Variants in ROCK2 observed in about 807,000 individuals in gnomAD.
ROCK2 encodes rho-associated protein kinase 2.
A neutral mutation model predicts 195.1 loss-of-function variants in ROCK2; 61 were observed. The observed-to-expected ratio is 0.31, with a 90% CI of 0.25 to 0.39. The LOEUF is 0.39. Ranked by LOEUF, ROCK2 falls within the 10% of genes least tolerant of loss-of-function variation. The pLI, the probability that ROCK2 is intolerant of heterozygous loss-of-function variation, is 1.00. For synonymous variants in ROCK2, 504 were observed against 545.5 expected (o/e 0.92, Z 1.06); for missense variants, 1,109 against 1,637.4 (o/e 0.68, Z 5.57).
At chr2:11,194,009 TAAGA>T in intron 29 of ROCK2, 152 bp from the exon 30 acceptor site, 2 of 439,794 alleles carry the variant, frequency 4.5e-6, no homozygotes, top group Admixed American at 8.4e-5. Context: ...TATAATTAAT[TAAGA>T]TTTTTAGAAA....
chr2:11,223,802 G>A (rs1292999120), intron 7 of ROCK2, among the ~76,000 whole-genome samples: 2 of 152,064 alleles, frequency 1.3e-5, no homozygotes, highest in African/African-American at 4.8e-5. Context: ...ATCTTTTGGG[G>A]GCAGGTTTTC....
chr2:11,275,440 C>A (rs556481195), intron 3 of ROCK2, among the ~76,000 whole-genome samples: 3 of 151,988 alleles, frequency 2.0e-5, no homozygotes, highest in Non-Finnish European at 2.9e-5. Context: ...GGTGACTGTA[C>A]GAGAAAACAA....
intron 3 of ROCK2, among the ~76,000 whole-genome samples, chr2:11,251,091 CA>C (rs1665814518): frequency 6.6e-6 from 1 of 152,190 alleles, no homozygotes; most frequent in Non-Finnish European, 1.5e-5. Context: ...CAGCATATTA[CA>C]TATTAGCTCA....
chr2:11,180,100 G>A lies in ROCK2; in HGVS notation c.*3337C>T, dbSNP rs934707662. On this transcript the variant is annotated 3_prime_UTR_variant, in exon 33 of 33. Transcript: ENST00000315872. The stretch of plus-strand genomic sequence containing the variant: ...GAAGCTGAAGCCTTATTCCAGGGAA[G>A]GAGAGGTGAGTCAGTAGCAGTGTCA... The A allele has an allele frequency of 6.6e-6, 1 of 152,170 alleles. No homozygotes were observed. The highest frequency in any genetic ancestry group is 1.5e-5 in the Non-Finnish European group (1 of 68,036). 9.4% of individuals were successfully genotyped at this position (152,170 alleles called of 1,614,324 possible).
intron 1 of ROCK2, among the ~76,000 whole-genome samples, chr2:11,291,178 G>A (rs903136964): frequency 1.4e-4 from 22 of 152,174 alleles, no homozygotes; most frequent in Non-Finnish European, 1.5e-5. Context: ...CCTGAACACA[G>A]AGCCTTTTAT....
At chr2:11,231,603 T>G (rs1280700224) in intron 5 of ROCK2, among the ~76,000 whole-genome samples, 10 of 152,114 alleles carry the variant, frequency 6.6e-5, no homozygotes, top group Admixed American at 3.9e-4. Flanking sequence ...ACACCCAACA[T>G]AGCAGTAGCT....
intron 10 of ROCK2, 29 bp downstream of exon 10, chr2:11,218,937 T>C: frequency 7.9e-7 from 1 of 1,267,800 alleles, no homozygotes; most frequent in Non-Finnish European, 1.1e-6. Context: ...GAAACTAAAA[T>C]AACTACAGCA....
intron 3 of ROCK2, among the ~76,000 whole-genome samples, chr2:11,272,130 T>G (rs868494323): frequency 8.5e-5 from 13 of 152,322 alleles, no homozygotes; most frequent in African/African-American, 2.6e-4. Context: ...GTTTTTTGGT[T>G]GTTGTGTTTT....
intron 1 of ROCK2, among the ~76,000 whole-genome samples, chr2:11,290,772 T>C (rs989693197): frequency 6.6e-6 from 1 of 152,050 alleles, no homozygotes; most frequent in Non-Finnish European, 1.5e-5. Flanking sequence ...ACCAGACTGA[T>C]TACGAGAAAA....
At chr2:11,315,247 T>C (rs984754082) in intron 1 of ROCK2, among the ~76,000 whole-genome samples, 1 of 152,038 alleles carries the variant, frequency 6.6e-6, no homozygotes, top group African/African-American at 2.4e-5. Context: ...AGAGCACCAT[T>C]ACACAGAACA....
Position 11,181,209 on chromosome 2 carries a change from T to TAC in ROCK2, c.*2226_*2227dup, listed in dbSNP as rs1553293006. The TAC allele has an allele frequency of 2.1e-5, 3 of 141,138 alleles. No individual in the cohort carries two copies. Among genetic ancestry groups the TAC allele is most frequent in the South Asian group, 2.2e-4 (1 of 4,532 alleles). 8.7% of individuals were successfully genotyped at this position (141,138 alleles called of 1,614,324 possible). A position where few individuals can be genotyped will look rare whatever the true frequency, so the allele number is the denominator to read the frequency against. On this transcript the variant is annotated 3_prime_UTR_variant, in exon 33 of 33. Coordinates refer to ENST00000315872, the MANE Select transcript of ROCK2 (RefSeq NM_004850.5). ...ATATATATATATATATATATATATA[T>TAC]ACTCTCCAATTCAGAATAGGATAGA... is the stretch of plus-strand genomic sequence containing the variant.
intron 3 of ROCK2, among the ~76,000 whole-genome samples, chr2:11,267,117 A>G (rs980883215): frequency 6.6e-6 from 1 of 152,204 alleles, no homozygotes; most frequent in African/African-American, 2.4e-5. Context: ...TCAACTCCAA[A>G]TTCTGTATCT....
At chr2:11,285,323 G>C (rs893496944) in intron 3 of ROCK2, among the ~76,000 whole-genome samples, 2 of 151,384 alleles carry the variant, frequency 1.3e-5, no homozygotes, top group African/African-American at 4.9e-5. Context: ...CTTTCTTGGA[G>C]GTCTCTGTCC....
chr2:11,292,600 G>C (rs1667396130), intron 1 of ROCK2, among the ~76,000 whole-genome samples: 2 of 152,086 alleles, frequency 1.3e-5, no homozygotes, highest in South Asian at 4.1e-4. Flanking sequence ...AAGTTTTAAA[G>C]TCAAGACAAC....
At position 11,218,471 on chromosome 2, in the gene ROCK2, T is replaced by G. The variant is rs1266535935; in HGVS notation, c.1321-5A>C. ...TCAACATACCTCTTGACTTTCCTAT[T>G]TAAAACAAAACAGAAAACACATTAA... On this transcript the variant is annotated splice_polypyrimidine_tract_variant and splice_region_variant and intron_variant, in intron 10 of 32. Transcript: ENST00000315872. 1.9e-6 allele frequency: 3 copies of G among 1,542,672 alleles called. No individual in the cohort carries two copies. The African/African-American group carries it at 4.1e-5, about 21-fold the overall frequency.
chr2:11,193,716 C>G, intron 30 of ROCK2, 63 bp downstream of exon 30: 1 of 927,252 alleles, frequency 1.1e-6, no homozygotes, highest in Non-Finnish European at 1.7e-6. Context: ...CACTTGAGAA[C>G]TTCTAAATGT....
At chr2:11,198,626 A>C (rs1324337606) in intron 24 of ROCK2, 41 bp from the exon 25 acceptor site, 1 of 1,581,242 alleles carries the variant, frequency 6.3e-7, no homozygotes, top group Admixed American at 1.7e-5. Context: ...TGGTAATTAC[A>C]GCAGCTGATA....
At chr2:11,215,145 T>C (rs1664382516) in intron 15 of ROCK2, 59 bp from the exon 16 acceptor site, 1 of 1,579,580 alleles carries the variant, frequency 6.3e-7, no homozygotes, top group African/African-American at 1.4e-5. Context: ...GTAATGAAAA[T>C]AAGTCAATGT....
At chr2:11,236,612 A>G (rs995249969) in intron 4 of ROCK2, among the ~76,000 whole-genome samples, 2 of 152,142 alleles carry the variant, frequency 1.3e-5, no homozygotes, top group East Asian at 3.9e-4. Context: ...TGACCCCCCA[A>G]ACAGACAGAG....
Sources: allele counts gnomAD v4.1 joint callset (sites outside exome capture counted in the v4.1 genomes callset), GRCh38; gene constraint gnomAD v4.1.1; transcripts MANE v1.5; gene names NCBI Gene and HGNC (gene_info 2026-07-23, HGNC 2026-07-21).